The following TENM3 variants were observed in gnomAD, a reference collection of about 807,000 sequenced individuals.
TENM3 encodes the protein teneurin-3.
Under a neutral mutation model 255.1 loss-of-function variants are expected in TENM3, and 63 were observed. The observed-to-expected ratio is 0.25, with a 90% CI of 0.20 to 0.30. TENM3 has a LOEUF of 0.30. TENM3 is among the 10% of genes least tolerant of loss of function. TENM3 has a pLI of 1.00. For synonymous variants in TENM3, 1,306 were observed against 1,322.3 expected (o/e 0.99, Z 0.27); for missense variants, 2,929 against 3,461.1 (o/e 0.85, Z 3.86).
chr4:181,457,204 T>C, the TENM3 span, among the ~76,000 whole-genome samples: 1 of 151,842 alleles, frequency 6.6e-6, no homozygotes, highest in South Asian at 2.1e-4. Flanking sequence ...AAATGATTTA[T>C]ATTTATTAAT....
the TENM3 span, among the ~76,000 whole-genome samples, chr4:181,693,508 T>G: frequency 1.3e-5 from 2 of 151,912 alleles, no homozygotes; most frequent in Non-Finnish European, 2.9e-5. Flanking sequence ...CCAGGAAGAG[T>G]GCAGTTATGT....
At chr4:181,944,371 C>G in the TENM3 span, among the ~76,000 whole-genome samples, 1 of 152,052 alleles carries the variant, frequency 6.6e-6, no homozygotes, top group Non-Finnish European at 1.5e-5. Context: ...TTCACTCTTC[C>G]CCTGCTTTTG....
chr4:182,166,909 G>T (rs968838031), intron 1 of TENM3, among the ~76,000 whole-genome samples: 1 of 151,866 alleles, frequency 6.6e-6, no homozygotes, highest in South Asian at 2.1e-4. Context: ...ATATCATAAA[G>T]GTATAAAGAG....
chr4:182,522,710 T>C lies in TENM3; in HGVS notation c.512-78214T>C, dbSNP rs541906684. Among the ~76,000 whole-genome samples the C allele has an allele frequency of 3.9e-5, 6 of 152,378 alleles. No individual in the cohort carries two copies. The South Asian group carries it at 8.3e-4, about 21-fold the overall frequency. ...ACATTGTCTTTATCCACTTATCTGT[T>C]GATGGACAATTAGGTTAATTCCAAA... On this transcript the variant is annotated intron_variant, in intron 3 of 27. Coordinates refer to ENST00000511685, the MANE Select transcript of TENM3 (RefSeq NM_001080477.4).
At chr4:181,534,471 C>A in the TENM3 span, among the ~76,000 whole-genome samples, 28 of 103,636 alleles carry the variant, frequency 2.7e-4, no homozygotes, top group Non-Finnish European at 4.4e-4. Context: ...GGTCTTCCCC[C>A]CCCCCACAGA....
At chr4:182,713,532 A>C (rs1432436703) in intron 12 of TENM3, among the ~76,000 whole-genome samples, 1 of 152,238 alleles carries the variant, frequency 6.6e-6, no homozygotes, top group Non-Finnish European at 1.5e-5. Flanking sequence ...TATTTAATGC[A>C]CTGTAATTTC....
the TENM3 span, among the ~76,000 whole-genome samples, chr4:181,469,352 G>A: frequency 6.6e-6 from 1 of 152,024 alleles, no homozygotes; most frequent in Non-Finnish European, 1.5e-5. Flanking sequence ...TATGAATTGT[G>A]ATCACTGCTA....
intron 3 of TENM3, among the ~76,000 whole-genome samples, chr4:182,348,078 A>T (rs948797127): frequency 1.3e-5 from 2 of 152,204 alleles, no homozygotes; most frequent in Non-Finnish European, 2.9e-5. Flanking sequence ...TCATGAAAAA[A>T]GGTCTAATTT....
chr4:182,288,078 C>T (rs965652133), intron 1 of TENM3, among the ~76,000 whole-genome samples: 13 of 151,874 alleles, frequency 8.6e-5, no homozygotes, highest in Admixed American at 8.5e-4. Flanking sequence ...GCTGGGATTA[C>T]AGGCGTGCAC....
At chr4:182,037,198 A>C in the TENM3 span, among the ~76,000 whole-genome samples, 1 of 149,150 alleles carries the variant, frequency 6.7e-6, no homozygotes, top group Non-Finnish European at 1.5e-5. Flanking sequence ...CCCAGGCTGG[A>C]GTGCAGTGGT....
At chr4:181,459,053 A>C in the TENM3 span, among the ~76,000 whole-genome samples, 4 of 151,870 alleles carry the variant, frequency 2.6e-5, no homozygotes, top group Non-Finnish European at 5.9e-5. Context: ...CCACATTTTC[A>C]CAAAAACTTG....
chr4:181,449,902 A>C, the TENM3 span, among the ~76,000 whole-genome samples: 4 of 152,222 alleles, frequency 2.6e-5, no homozygotes, highest in African/African-American at 7.2e-5. Flanking sequence ...GACAGCATTC[A>C]TTAAGTTCTG....
At chr4:181,796,185 C>A in the TENM3 span, among the ~76,000 whole-genome samples, 1 of 152,144 alleles carries the variant, frequency 6.6e-6, no homozygotes, top group Non-Finnish European at 1.5e-5. Context: ...GTTCAAACTT[C>A]TTATTGTCAC....
At chr4:182,253,378 C>T (rs1758162903) in intron 1 of TENM3, among the ~76,000 whole-genome samples, 1 of 152,138 alleles carries the variant, frequency 6.6e-6, no homozygotes, top group African/African-American at 2.4e-5. Flanking sequence ...GAGGCTGAAG[C>T]AGGAGAATCA....
At chr4:182,195,384 A>G (rs1283021793) in intron 1 of TENM3, among the ~76,000 whole-genome samples, 2 of 152,172 alleles carry the variant, frequency 1.3e-5, no homozygotes, top group Admixed American at 6.5e-5. Context: ...TGGGCCTGTA[A>G]TCCGAGCACT....
chr4:182,505,321 A>AT (rs34772074), intron 3 of TENM3, among the ~76,000 whole-genome samples: 22,608 of 152,158 alleles, frequency 0.15, 2,009 homozygotes, highest in Non-Finnish European at 0.2. Flanking sequence ...AAATTGTGCA[A>AT]TACAGATCTT....
intron 22 of TENM3, among the ~76,000 whole-genome samples, chr4:182,765,779 G>T (rs952287112): frequency 1.3e-5 from 2 of 152,046 alleles, no homozygotes; most frequent in Admixed American, 6.6e-5. Context: ...AACATGAAAG[G>T]CTCCTTAGTA....
chr4:182,416,006 A>G (rs1374111857), intron 3 of TENM3, among the ~76,000 whole-genome samples: 1 of 152,196 alleles, frequency 6.6e-6, no homozygotes, highest in Non-Finnish European at 1.5e-5. Flanking sequence ...TAAAACTTTT[A>G]ACCATACTTG....
At chr4:182,126,248 A>G in the TENM3 span, among the ~76,000 whole-genome samples, 17 of 152,162 alleles carry the variant, frequency 1.1e-4, no homozygotes, top group Non-Finnish European at 7.3e-5. Context: ...TATTATCCAC[A>G]GTCAAAATGC....
Sources: allele counts gnomAD v4.1 joint callset (sites outside exome capture counted in the v4.1 genomes callset), GRCh38; gene constraint gnomAD v4.1.1; transcripts MANE v1.5; gene names NCBI Gene and HGNC (gene_info 2026-07-23, HGNC 2026-07-21).